Variants in EFR3A observed in about 807,000 individuals in gnomAD.
The protein encoded by EFR3A is EFR3 homolog A.
A neutral mutation model predicts 104.4 loss-of-function variants in EFR3A; 76 were observed. The ratio of observed to expected loss-of-function variants is 0.73; its 90% confidence interval spans 0.60 to 0.88. The LOEUF is 0.88. Ranked by LOEUF, EFR3A falls within the 40% of genes least tolerant of loss-of-function variation. The probability of loss-of-function intolerance (pLI) is 0.00; values close to 1 mark genes in which losing one functional copy is unlikely to be tolerated. For synonymous variants in EFR3A, 330 were observed against 330.0 expected, an observed-to-expected ratio of 1.00 and a Z score of 0.00; for missense variants, 985 against 1,012.5, an observed-to-expected ratio of 0.97 and a Z score of 0.37.
intron 12 of EFR3A, 127 bp from the exon 13 acceptor site, chr8:131,978,720 A>T (rs958374419): frequency 1.4e-6 from 1 of 719,106 alleles, no homozygotes; most frequent in Non-Finnish European, 2.1e-6. Flanking sequence ...CATTTCTTTT[A>T]TGTCTTTTCT....
intron 1 of EFR3A, among the ~76,000 whole-genome samples, chr8:131,935,779 A>G (rs1817849595): frequency 6.6e-6 from 1 of 151,948 alleles, no homozygotes; most frequent in Non-Finnish European, 1.5e-5. Context: ...GGTGGCAGTT[A>G]GTGGTGGAGA....
Position 132,013,370 on chromosome 8 carries a change from C to A in EFR3A, c.*2475C>A, listed in dbSNP as rs187672827. ...CATATTTCCTTAATACTTCTGAACT[C>A]ATTATCTTTTAGAATAATAATACTA... On this transcript the variant is annotated 3_prime_UTR_variant, in exon 23 of 23. Coordinates refer to ENST00000254624, the MANE Select transcript of EFR3A (RefSeq NM_015137.6). The A allele has an allele frequency of 5.2e-5, 8 of 152,666 alleles. No individual in the cohort carries two copies. The highest frequency in any genetic ancestry group is 2.1e-4 in the South Asian group (1 of 4,824). The allele number at this position is 152,666 out of a possible 1,614,324, so 9.5% of individuals were successfully genotyped here.
chr8:131,984,369 C>A, intron 15 of EFR3A, 69 bp downstream of exon 15: 1 of 1,366,508 alleles, frequency 7.3e-7, no homozygotes, highest in South Asian at 1.8e-5. Context: ...TGAAATGTTG[C>A]CGTTATCCAA....
intron 1 of EFR3A, among the ~76,000 whole-genome samples, chr8:131,932,365 C>T (rs1010486387): frequency 6.6e-6 from 1 of 152,074 alleles, no homozygotes; most frequent in Non-Finnish European, 1.5e-5. Context: ...TATGTTCAAG[C>T]ATTGATATAA....
At chr8:131,919,922 A>G (rs1412423676) in intron 1 of EFR3A, among the ~76,000 whole-genome samples, 1 of 151,832 alleles carries the variant, frequency 6.6e-6, no homozygotes, top group African/African-American at 2.4e-5. Flanking sequence ...AGCTTCCAGT[A>G]TCAGATTACT....
At chr8:131,990,493 TC>T (rs1467246266) in intron 18 of EFR3A, among the ~76,000 whole-genome samples, 1 of 152,154 alleles carries the variant, frequency 6.6e-6, no homozygotes, top group East Asian at 1.9e-4. Flanking sequence ...CAGGATTTGT[TC>T]CGTGAATTAA....
intron 13 of EFR3A, 55 bp downstream of exon 13, chr8:131,979,074 AG>A: frequency 1.4e-6 from 2 of 1,460,992 alleles, no homozygotes; most frequent in Non-Finnish European, 1.8e-6. Context: ...TTGCTAAATT[AG>A]TGTATTTAAG....
chr8:131,994,912 A>C (rs1467645799), intron 18 of EFR3A, among the ~76,000 whole-genome samples: 1 of 152,156 alleles, frequency 6.6e-6, no homozygotes, highest in East Asian at 1.9e-4. Context: ...GAGAGTTAGA[A>C]GTCCTGGGAT....
intron 1 of EFR3A, among the ~76,000 whole-genome samples, chr8:131,917,722 A>G (rs1177448642): frequency 6.6e-6 from 1 of 152,236 alleles, no homozygotes; most frequent in Non-Finnish European, 1.5e-5. Flanking sequence ...ATACAAATAT[A>G]TACAGAATTC....
intron 8 of EFR3A, among the ~76,000 whole-genome samples, chr8:131,965,209 G>A (rs1243495275): frequency 6.6e-6 from 1 of 152,150 alleles, no homozygotes; most frequent in African/African-American, 2.4e-5. Context: ...AGCCACAATT[G>A]ACAAATGGGA....
chr8:132,010,407 G>GATATATATATATATATAT lies in EFR3A; in HGVS notation c.2361-357_2361-340dup, dbSNP rs66644698. 3.9e-4 allele frequency among the ~76,000 whole-genome samples: 32 copies of GATATATATATATATATAT among 81,854 alleles called. 1 individual carries two copies. The highest frequency in any genetic ancestry group is 1.2e-3 in the African/African-American group (25 of 20,372). 53.7% of individuals were successfully genotyped at this position (81,854 alleles called of 152,430 possible). A position where few individuals can be genotyped will look rare whatever the true frequency, so the allele number is the denominator to read the frequency against. On this transcript the variant is annotated intron_variant, in intron 22 of 22. Transcript: ENST00000254624. ...GTTCTCTGGATTAAATCAAGTATGA[G>GATATATATATATATATAT]ATATATATATATATATATATATATA...
At chr8:131,927,085 C>T (rs958233890) in intron 1 of EFR3A, among the ~76,000 whole-genome samples, 68 of 152,180 alleles carry the variant, frequency 4.5e-4, no homozygotes, top group African/African-American at 1.6e-3. Flanking sequence ...ACAGCTCTGC[C>T]CTTGAGGAGC....
chr8:131,915,123 C>A (rs970554385), intron 1 of EFR3A, among the ~76,000 whole-genome samples: 11 of 152,138 alleles, frequency 7.2e-5, no homozygotes, highest in African/African-American at 2.4e-4. Flanking sequence ...ATTTTTATCT[C>A]TTTTATTTGT....
intron 1 of EFR3A, among the ~76,000 whole-genome samples, chr8:131,921,574 G>C (rs369590615): frequency 6.6e-6 from 1 of 152,024 alleles, no homozygotes; most frequent in African/African-American, 2.4e-5. Flanking sequence ...TTAATTGTGC[G>C]TATTTATTAA....
In EFR3A at chr8:132,011,175, A is replaced by C; in HGVS notation, c.*280A>C. 1.8e-6 allele frequency: 2 copies of C among 1,084,090 alleles called. No individual in the cohort carries two copies. Among genetic ancestry groups the C allele is most frequent in the Non-Finnish European group, 2.2e-6 (2 of 890,172 alleles). The allele number at this position is 1,084,090 out of a possible 1,614,324, so 67.2% of individuals were successfully genotyped here. A position where few individuals can be genotyped will look rare whatever the true frequency, so the allele number is the denominator to read the frequency against. The stretch of plus-strand genomic sequence containing the variant: ...GTTTCACTTTATTCCACTGTTAAGT[A>C]GTATGTTTTAAACTTTTCACAAATG... On this transcript the variant is annotated 3_prime_UTR_variant, in exon 23 of 23. Transcript: ENST00000254624.
chr8:131,904,728 G>A (rs1388566206), intron 1 of EFR3A, among the ~76,000 whole-genome samples: 1 of 152,212 alleles, frequency 6.6e-6, no homozygotes, highest in East Asian at 1.9e-4. Flanking sequence ...TGGACGCGCC[G>A]GCCCCGAGTC....
chr8:131,922,549 A>C (rs1266827206), intron 1 of EFR3A, among the ~76,000 whole-genome samples: 1 of 152,188 alleles, frequency 6.6e-6, no homozygotes, highest in Non-Finnish European at 1.5e-5. Context: ...GTTAGGACTT[A>C]AACATATTGT....
chr8:132,004,510 C>T (rs938437211), intron 22 of EFR3A, among the ~76,000 whole-genome samples: 1 of 152,214 alleles, frequency 6.6e-6, no homozygotes, highest in Non-Finnish European at 1.5e-5. Flanking sequence ...ATCATCCCCC[C>T]AGTCCCCATC....
intron 1 of EFR3A, among the ~76,000 whole-genome samples, chr8:131,908,218 G>A (rs62521264): frequency 6.6e-6 from 1 of 151,808 alleles, no homozygotes; most frequent in East Asian, 1.9e-4. Context: ...GTGCCACCAC[G>A]CCCGGCTAAT....
Sources: allele counts gnomAD v4.1 joint callset (sites outside exome capture counted in the v4.1 genomes callset), GRCh38; gene constraint gnomAD v4.1.1; transcripts MANE v1.5; gene names NCBI Gene and HGNC (gene_info 2026-07-23, HGNC 2026-07-21).